MGAT4C: variants seen among roughly 807,000 people sequenced by gnomAD.
MGAT4C encodes the protein alpha-1,3-mannosyl-glycoprotein 4-beta-N-acetylglucosaminyltransferase C.
In MGAT4C, 19 loss-of-function variants were observed where a neutral mutation model predicts 40.1. That is an observed-to-expected ratio of 0.47 (90% CI 0.33 to 0.70). MGAT4C has a LOEUF of 0.70. MGAT4C is among the 30% of genes least tolerant of loss of function. The pLI is 0.02. For synonymous variants in MGAT4C, 181 were observed against 187.1 expected, an observed-to-expected ratio of 0.97 and a Z score of 0.27; for missense variants, 491 against 563.2, an observed-to-expected ratio of 0.87 and a Z score of 1.30.
At chr12:86,037,766 G>A (rs548500639) in intron 2 of MGAT4C, among the ~76,000 whole-genome samples, 9 of 150,034 alleles carry the variant, frequency 6.0e-5, no homozygotes, top group African/African-American at 2.2e-4. Flanking sequence ...TGTATGTTCT[G>A]TTGATTTGGG....
intron 1 of MGAT4C, among the ~76,000 whole-genome samples, chr12:86,206,831 C>T (rs1950275610): frequency 6.6e-6 from 1 of 152,180 alleles, no homozygotes; most frequent in South Asian, 2.1e-4. Flanking sequence ...TGGCAGCACA[C>T]TCCTAAAATA....
At chr12:86,013,860 T>C (rs959922569) in intron 2 of MGAT4C, 7 of 692,322 alleles carry the variant, frequency 1.0e-5, no homozygotes, top group Non-Finnish European at 1.1e-5. Context: ...TTTTCTTCTT[T>C]TTCTTTGTTA....
chr12:86,813,580 G>A (rs1952520370), intron 1 of MGAT4C, among the ~76,000 whole-genome samples: 1 of 151,810 alleles, frequency 6.6e-6, no homozygotes, highest in South Asian at 2.1e-4. Flanking sequence ...TTATCACCCT[G>A]ATAATATGAC....
chr12:86,322,792 T>G (rs902974793), intron 4 of MGAT4C, among the ~76,000 whole-genome samples: 2 of 152,098 alleles, frequency 1.3e-5, no homozygotes, highest in Admixed American at 6.6e-5. Flanking sequence ...GCATATATTT[T>G]TAGATTGCAA....
rs1039429635 is a variant in MGAT4C at position 86,798,689 on chromosome 12, C to T, written c.-262+39977G>A. On this transcript the variant is annotated intron_variant, in intron 1 of 7. Coordinates refer to the MGAT4C transcript ENST00000548651. Reference sequence around the variant, plus strand: ...TATGTGAAAAATGAATGAAGTATGCCATTGTAATAATGCTTGAATGCTGGG... The same window carrying T: ...TATGTGAAAAATGAATGAAGTATGCTATTGTAATAATGCTTGAATGCTGGG... Among the ~76,000 whole-genome samples, 19 of 151,800 alleles carry T rather than the reference C, an allele frequency of 1.3e-4. No individual in the cohort carries two copies. In the East Asian group the frequency reaches 3.7e-3, roughly 29 times the overall value.
At chr12:86,409,994 G>A (rs1477786637) in intron 3 of MGAT4C, among the ~76,000 whole-genome samples, 1 of 152,118 alleles carries the variant, frequency 6.6e-6, no homozygotes, top group Non-Finnish European at 1.5e-5. Context: ...TTTTATTAAG[G>A]ACTTTAAAGG....
chr12:86,648,929 A>T (rs950962863), intron 2 of MGAT4C, among the ~76,000 whole-genome samples: 3 of 151,552 alleles, frequency 2.0e-5, no homozygotes, highest in Non-Finnish European at 4.4e-5. Context: ...TTTCCTATGT[A>T]TACTCTGAAA....
intron 1 of MGAT4C, among the ~76,000 whole-genome samples, chr12:86,746,958 C>T (rs1030352465): frequency 2.6e-5 from 4 of 151,548 alleles, no homozygotes; most frequent in African/African-American, 9.7e-5. Flanking sequence ...TTCAGAATTG[C>T]GTTCTTGGTT....
intron 1 of MGAT4C, among the ~76,000 whole-genome samples, chr12:86,132,166 T>A (rs117875507): frequency 2.0e-5 from 3 of 152,150 alleles, no homozygotes; most frequent in African/African-American, 7.2e-5. Context: ...GAAATTAACA[T>A]GAATGTATTC....
intron 1 of MGAT4C, among the ~76,000 whole-genome samples, chr12:86,231,021 T>C (rs1435523135): frequency 6.6e-6 from 1 of 152,110 alleles, no homozygotes; most frequent in East Asian, 1.9e-4. Context: ...GTTGAGGTGG[T>C]AGAAAAGCCG....
chr12:86,454,308 G>C (rs1476459772), intron 2 of MGAT4C, among the ~76,000 whole-genome samples: 1 of 151,948 alleles, frequency 6.6e-6, no homozygotes, highest in Admixed American at 6.6e-5. Flanking sequence ...ACTCACTGCA[G>C]CCTTGACTTT....
intron 4 of MGAT4C, among the ~76,000 whole-genome samples, chr12:86,270,007 T>C (rs1215703855): frequency 2.0e-5 from 3 of 152,132 alleles, no homozygotes; most frequent in African/African-American, 7.2e-5. Context: ...CATCCTTCTC[T>C]AGCACTTTTC....
chr12:86,629,981 A>G (rs1039931321), intron 2 of MGAT4C, among the ~76,000 whole-genome samples: 7 of 152,172 alleles, frequency 4.6e-5, no homozygotes, highest in African/African-American at 1.7e-4. Context: ...TTTTGAAAAG[A>G]TCAACAAAAT....
intron 4 of MGAT4C, among the ~76,000 whole-genome samples, chr12:86,278,289 C>T (rs1953128325): frequency 6.8e-6 from 1 of 148,044 alleles, no homozygotes; most frequent in African/African-American, 2.5e-5. Context: ...AGTGATTCTC[C>T]TGCCTCGGCC....
At chr12:86,754,985 TTA>T (rs201941193) in intron 1 of MGAT4C, among the ~76,000 whole-genome samples, 5 of 150,800 alleles carry the variant, frequency 3.3e-5, no homozygotes, top group Admixed American at 6.6e-5. Flanking sequence ...TGATGACTAG[TTA>T]TATATATATA....
intron 1 of MGAT4C, among the ~76,000 whole-genome samples, chr12:86,116,655 G>A (rs564759600): frequency 2.0e-5 from 3 of 151,986 alleles, no homozygotes; most frequent in Non-Finnish European, 4.4e-5. Context: ...GTCCAGTATT[G>A]GAGTGAATTA....
intron 1 of MGAT4C, among the ~76,000 whole-genome samples, chr12:86,790,224 T>C (rs757890283): frequency 4.6e-5 from 7 of 152,126 alleles, no homozygotes; most frequent in African/African-American, 7.2e-5. Flanking sequence ...TACTAGAATA[T>C]ATGAATGCAT....
At position 86,084,682 on chromosome 12, in the gene MGAT4C, T is replaced by C. The variant is rs143928328; in HGVS notation, c.-56-34959A>G. ...TCAGAGTAAAAGTGTATTTGTATAC[T>C]GTATGGGAACTAAAAATTAAGAATA... is the stretch of plus-strand genomic sequence containing the variant. On this transcript the variant is annotated intron_variant, in intron 1 of 4. Transcript: ENST00000611864. 7.6e-3 allele frequency among the ~76,000 whole-genome samples: 1,153 copies of C among 151,686 alleles called. 10 individuals are homozygous for C. The highest frequency in any genetic ancestry group is 0.011 in the Non-Finnish European group (769 of 67,862).
At chr12:86,791,519 A>G (rs1952021826) in intron 1 of MGAT4C, among the ~76,000 whole-genome samples, 1 of 152,028 alleles carries the variant, frequency 6.6e-6, no homozygotes, top group African/African-American at 2.4e-5. Flanking sequence ...AAGTACATAA[A>G]TTATACAGAA....
Sources: gnomAD v4.1 joint callset for allele counts (sites outside exome capture counted in the v4.1 genomes callset) on GRCh38, gnomAD v4.1.1 for gene constraint, MANE v1.5 for transcripts, NCBI Gene and HGNC (gene_info 2026-07-23, HGNC 2026-07-21) for gene names.